Variants in SNRPA observed in about 807,000 individuals in gnomAD.
The protein encoded by SNRPA is U1 small nuclear ribonucleoprotein A.
Under a neutral mutation model 24.5 loss-of-function variants are expected in SNRPA, and 10 were observed. The ratio of observed to expected loss-of-function variants is 0.41; its 90% CI spans 0.25 to 0.69. The LOEUF (loss-of-function observed/expected upper bound fraction) is 0.69, where lower values mean the gene tolerates loss of function less well. SNRPA is among the 30% of genes least tolerant of loss of function. SNRPA has a pLI of 0.33. For synonymous variants in SNRPA, 165 were observed against 148.4 expected, an observed-to-expected ratio of 1.11 and a Z score of -0.81; for missense variants, 283 against 394.7, an observed-to-expected ratio of 0.72 and a Z score of 2.40.
intron 1 of SNRPA, among the ~76,000 whole-genome samples, chr19:40,752,634 C>T (rs2082887155): frequency 6.6e-6 from 1 of 150,388 alleles, no homozygotes; most frequent in African/African-American, 2.4e-5. Context: ...CGTCTGTGGT[C>T]CCAGCTACTT....
intron 5 of SNRPA, among the ~76,000 whole-genome samples, chr19:40,764,041 T>A (rs570971221): frequency 3.9e-5 from 6 of 152,292 alleles, no homozygotes; most frequent in African/African-American, 1.4e-4. Context: ...CTGGCAGAAG[T>A]CAGCGTGCTC....
chr19:40,761,606 A>G (rs2082933227), intron 3 of SNRPA, among the ~76,000 whole-genome samples: 1 of 151,266 alleles, frequency 6.6e-6, no homozygotes, highest in Non-Finnish European at 1.5e-5. Flanking sequence ...ATCTGGGACT[A>G]CAGGCATGTG....
intron 4 of SNRPA, 30 bp downstream of exon 4, chr19:40,763,104 CAT>C (rs2082939976): frequency 1.3e-6 from 2 of 1,507,306 alleles, no homozygotes; most frequent in Non-Finnish European, 1.8e-6. Context: ...CACCAGGTCT[CAT>C]ATAAATAGTG....
chr19:40,751,361 TA>T lies in SNRPA; in HGVS notation c.-45del. 1 of 1,439,654 alleles carries T rather than the reference TA, an allele frequency of 6.9e-7. No homozygotes were observed. Among genetic ancestry groups the T allele is most frequent in the Non-Finnish European group, 9.8e-7 (1 of 1,021,278 alleles). 89.2% of individuals were successfully genotyped at this position (1,439,654 alleles called of 1,614,324 possible). On this transcript the variant is annotated 5_prime_UTR_variant, in exon 1 of 6. Coordinates refer to ENST00000243563, the MANE Select transcript of SNRPA (RefSeq NM_004596.5). Reference sequence around the variant, plus strand: ...CAAAGGATTTGGAGAAACCCAGGGCTAAAGTCACGTTTTTCCTCCTTTAAGA... The same window carrying T: ...CAAAGGATTTGGAGAAACCCAGGGCTAAGTCACGTTTTTCCTCCTTTAAGA...
intron 1 of SNRPA, 184 bp from the exon 2 acceptor site, chr19:40,757,148 A>G: frequency 1.7e-6 from 1 of 603,636 alleles, no homozygotes. Context: ...CACATCTTAC[A>G]GAAGAGTAGA....
At chr19:40,758,977 G>A (rs1327223456) in intron 2 of SNRPA, 1 of 152,106 alleles carries the variant, frequency 6.6e-6, no homozygotes, top group Non-Finnish European at 1.5e-5. Flanking sequence ...GGAGGCCGAG[G>A]TGGGTGGATC....
intron 3 of SNRPA, among the ~76,000 whole-genome samples, chr19:40,762,511 C>T (rs1377998726): frequency 2.0e-5 from 3 of 152,002 alleles, no homozygotes; most frequent in Admixed American, 1.3e-4. Context: ...GCCATCGTGC[C>T]CGGCCTACCA....
chr19:40,764,600 G>GT (rs1451424372), intron 5 of SNRPA, among the ~76,000 whole-genome samples: 1 of 152,198 alleles, frequency 6.6e-6, no homozygotes, highest in African/African-American at 2.4e-5. Flanking sequence ...GCTGAGGCAG[G>GT]TGGATCACTT....
At position 40,763,346 on chromosome 19, in the gene SNRPA, C is replaced by T. The variant is rs182364762; in HGVS notation, c.601-241C>T. On this transcript the variant is annotated intron_variant, in intron 4 of 5. Transcript: ENST00000243563. ...GAGCGCCTCCTTACGTGCCAGGCCC[C>T]GTTCTGCACTGTAGGGCTGCAGCAG... 3.2e-3 allele frequency: 1,921 copies of T among 594,528 alleles called. 7 individuals are homozygous for T. Among genetic ancestry groups the T allele is most frequent in the Middle Eastern group, 5.9e-3 (14 of 2,376 alleles). The allele number at this position is 594,528 out of a possible 1,614,324, so 36.8% of individuals were successfully genotyped here.
intron 3 of SNRPA, among the ~76,000 whole-genome samples, chr19:40,760,656 A>C (rs1051070245): frequency 6.6e-6 from 1 of 152,204 alleles, no homozygotes; most frequent in Non-Finnish European, 1.5e-5. Flanking sequence ...TCCAGCAACC[A>C]GGCCAGGCCC....
At chr19:40,757,168 T>C (rs556959887) in intron 1 of SNRPA, 164 bp from the exon 2 acceptor site, 1 of 629,152 alleles carries the variant, frequency 1.6e-6, no homozygotes. Context: ...AAGAGTGTAC[T>C]TGGCCACTTG....
chr19:40,758,584 T>G (rs1211997199), intron 2 of SNRPA, among the ~76,000 whole-genome samples: 1 of 152,172 alleles, frequency 6.6e-6, no homozygotes, highest in African/African-American at 2.4e-5. Flanking sequence ...TCAGGTACTG[T>G]TCCAAGCACT....
intron 3 of SNRPA, among the ~76,000 whole-genome samples, chr19:40,761,458 CTTTTTTTTTTTTTTTTTT>C (rs200242370): frequency 2.3e-5 from 2 of 85,860 alleles, no homozygotes; most frequent in Non-Finnish European, 4.3e-5. Flanking sequence ...TTTTCTTTTT[CTTTTTTTTTTTTTTTTTT>C]TTTTTTTTGA....
chr19:40,751,817 GCTCT>G (rs1213038053), intron 1 of SNRPA, among the ~76,000 whole-genome samples: 1 of 152,092 alleles, frequency 6.6e-6, no homozygotes, highest in Non-Finnish European at 1.5e-5. Flanking sequence ...CTGTCGTGGG[GCTCT>G]CTCTCCTCCC....
At chr19:40,760,965 G>GT (rs1472537146) in intron 3 of SNRPA, among the ~76,000 whole-genome samples, 5 of 151,236 alleles carry the variant, frequency 3.3e-5, no homozygotes, top group East Asian at 1.9e-4. Context: ...GTTTTCTTTT[G>GT]TTTTTTTTCG....
chr19:40,754,023 G>C (rs1411448818), intron 1 of SNRPA, among the ~76,000 whole-genome samples: 4 of 149,676 alleles, frequency 2.7e-5, no homozygotes, highest in Non-Finnish European at 5.9e-5. Context: ...GGATGGTGTT[G>C]ATTTCCTGAC....
At chr19:40,756,204 G>T (rs1007948899) in intron 1 of SNRPA, among the ~76,000 whole-genome samples, 12 of 151,808 alleles carry the variant, frequency 7.9e-5, no homozygotes, top group Admixed American at 2.6e-4. Context: ...GGGAGGTCAG[G>T]CCTGTAGTAA....
At chr19:40,759,770 A>G (rs1471837881) in intron 3 of SNRPA, 160 bp downstream of exon 3, 1 of 598,142 alleles carries the variant, frequency 1.7e-6, no homozygotes, top group Non-Finnish European at 2.8e-6. Context: ...TTTGGGGGGT[A>G]TTGAGCACCT....
chr19:40,765,243 G>C lies in SNRPA; in HGVS notation c.*76G>C, dbSNP rs1190945601. ...TCCCCCTTGGCTCAGCCCCCTGAAG[G>C]TAAGTCCCCCCTTGGGGGCCTTCTT... On this transcript the variant is annotated 3_prime_UTR_variant, in exon 6 of 6. Coordinates refer to ENST00000243563, the MANE Select transcript of SNRPA (RefSeq NM_004596.5). 9.1e-7 allele frequency: 1 copy of C among 1,100,994 alleles called. No individual in the cohort carries two copies. The highest frequency in any genetic ancestry group is 3.9e-5 in the Admixed American group (1 of 25,656). 68.2% of individuals were successfully genotyped at this position (1,100,994 alleles called of 1,614,324 possible).
Sources: gnomAD v4.1 joint callset for allele counts (sites outside exome capture counted in the v4.1 genomes callset) on GRCh38, gnomAD v4.1.1 for gene constraint, MANE v1.5 for transcripts, NCBI Gene and HGNC (gene_info 2026-07-23, HGNC 2026-07-21) for gene names.